The following IL27RA variants were observed in gnomAD, a reference collection of about 807,000 sequenced individuals.
The protein encoded by IL27RA is interleukin 27 receptor subunit alpha.
Under a neutral mutation model 80.8 loss-of-function variants are expected in IL27RA, and 61 were observed. The ratio of observed to expected loss-of-function variants is 0.76; its 90% CI spans 0.61 to 0.93. The LOEUF is 0.93. Ranked by LOEUF, IL27RA falls within the 40% of genes least tolerant of loss-of-function variation. The pLI, the probability that IL27RA is intolerant of heterozygous loss-of-function variation, is 0.00. For synonymous variants in IL27RA, 316 were observed against 332.5 expected (o/e 0.95, Z 0.54); for missense variants, 735 against 808.1 (o/e 0.91, Z 1.10).
At chr19:14,041,821 T>A (rs1975992985) in intron 4 of IL27RA, among the ~76,000 whole-genome samples, 1 of 152,068 alleles carries the variant, frequency 6.6e-6, no homozygotes, top group South Asian at 2.1e-4. Flanking sequence ...ATCCCAGCAC[T>A]TTGGGAGGCC....
rs1975962839 is a variant in IL27RA, at chr19:14,039,773, C to T, written c.397C>T (p.Leu133=). The change falls in exon 4 of 14, where the codon CTG becomes TTG. Residue 133 remains leucine, a synonymous_variant. Coordinates refer to ENST00000263379, the MANE Select transcript of IL27RA (RefSeq NM_004843.4). ...CCCAGTGAAGCCAAACGCCCCCCGG[C>T]TGGGCCCTGACGTGGACTTTTCCGA... ...ETQMKPNAPR[L]GPDVDFSEDD... is the part of the protein sequence containing the mutation. 1.2e-6 allele frequency: 2 copies of T among 1,613,942 alleles called. No individual in the cohort carries two copies. Among genetic ancestry groups the T allele is most frequent in the South Asian group, 1.1e-5 (1 of 91,060 alleles).
chr19:14,050,511 CAAAAAAAAAAA>C (rs34034204), intron 10 of IL27RA, among the ~76,000 whole-genome samples: 1 of 99,968 alleles, frequency 1.0e-5, no homozygotes, highest in South Asian at 3.1e-4. Context: ...GACTTCATGT[CAAAAAAAAAAA>C]AAAAAAAAGA....
At chr19:14,041,584 C>T (rs770671375) in intron 4 of IL27RA, among the ~76,000 whole-genome samples, 22 of 152,144 alleles carry the variant, frequency 1.4e-4, no homozygotes, top group Non-Finnish European at 4.4e-5. Context: ...CACTTTCCCT[C>T]TCTGGGCCTC....
intron 6 of IL27RA, among the ~76,000 whole-genome samples, chr19:14,044,183 G>A (rs1374525097): frequency 1.3e-5 from 2 of 151,984 alleles, no homozygotes; most frequent in African/African-American, 4.8e-5. Flanking sequence ...ATAAGCAAAG[G>A]AACACGATGA....
rs777812075 is a variant in IL27RA at position 14,050,881 on chromosome 19, C to G, written c.1526C>G (p.Pro509Arg). The G allele has an allele frequency of 4.4e-6, 7 of 1,606,360 alleles. No homozygotes were observed. In the East Asian group the frequency reaches 1.6e-4, roughly 36 times the overall value. ...PPGPILRLHLPDNTLRWKVLP... is the reference protein window; with the variant it reads ...PPGPILRLHLRDNTLRWKVLP... ...GGTCCCATCCTCCGGCTTCATCTACCAGGTAGGGGGGTTGGGATGGGATTG... is the reference window on the plus strand; with the variant it reads ...GGTCCCATCCTCCGGCTTCATCTACGAGGTAGGGGGGTTGGGATGGGATTG... Residue 509 changes from proline to arginine, a missense_variant and splice_region_variant, in exon 11 of 14, where the codon CCA (proline) becomes CGA (arginine). Physicochemically the swap from Pro to Arg is moderately radical, Grantham distance 103. Coordinates refer to ENST00000263379, the MANE Select transcript of IL27RA (RefSeq NM_004843.4).
At chr19:14,041,878 C>A (rs1975993760) in intron 4 of IL27RA, among the ~76,000 whole-genome samples, 1 of 151,918 alleles carries the variant, frequency 6.6e-6, no homozygotes, top group Admixed American at 6.6e-5. Flanking sequence ...CCAGCCTGGC[C>A]AAGATGGTGA....
At chr19:14,036,285 C>T (rs916471313) in intron 2 of IL27RA, among the ~76,000 whole-genome samples, 6 of 151,880 alleles carry the variant, frequency 4.0e-5, no homozygotes, top group African/African-American at 1.5e-4. Context: ...GCTACTATGC[C>T]CAGCCTGAGA....
Position 14,049,227 on chromosome 19 carries a change from G to A in IL27RA, c.1315G>A (p.Glu439Lys), listed in dbSNP as rs143737810. The A allele has an allele frequency of 1.2e-5, 20 of 1,614,054 alleles. No individual in the cohort carries two copies. The highest frequency in any genetic ancestry group is 5.0e-5 in the Admixed American group (3 of 59,996). Residue 439 changes from glutamate (E) to lysine (K), a missense_variant, in exon 10 of 14, where the codon GAG becomes AAG. By Grantham distance (56) the Glu-to-Lys change is moderately conservative. Transcript: ENST00000263379. The stretch of plus-strand genomic sequence containing the variant: ...AGGGACCCCCGCCATAGCGTGGGGA[G>A]AGGTCCCAAGGCACCAGCTTCGAGG... ...PPGTPAIAWGEVPRHQLRGHL... is the reference protein window; with the variant it reads ...PPGTPAIAWGKVPRHQLRGHL...
In IL27RA at chr19:14,039,947, G is replaced by A. The variant is rs58817586; in HGVS notation, c.534+37G>A. The stretch of plus-strand genomic sequence containing the variant: ...GGTCCTTTTCTCCCCACCCTATTCC[G>A]GGCGGGGACTGAGGCAACATCTCCT... On this transcript the variant is annotated intron_variant, in intron 4 of 13. Transcript: ENST00000263379. 7.8e-3 allele frequency: 12,457 copies of A among 1,603,760 alleles called. 855 individuals carry two copies. The African/African-American group carries it at 0.14, about 18-fold the overall frequency.
intron 11 of IL27RA, 69 bp downstream of exon 11, chr19:14,050,952 G>T: frequency 6.7e-7 from 1 of 1,492,790 alleles, no homozygotes; most frequent in Non-Finnish European, 9.1e-7. Flanking sequence ...GTAGCATCTG[G>T]AGTCATTACT....
At chr19:14,039,145 G>A (rs1975949625) in intron 2 of IL27RA, among the ~76,000 whole-genome samples, 1 of 151,788 alleles carries the variant, frequency 6.6e-6, no homozygotes, top group African/African-American at 2.4e-5. Context: ...AAATTGGCCA[G>A]GTGTGGTGGC....
intron 2 of IL27RA, among the ~76,000 whole-genome samples, 163 bp downstream of exon 2, chr19:14,032,666 G>T (rs1336698111): frequency 6.7e-6 from 1 of 150,070 alleles, no homozygotes; most frequent in East Asian, 1.9e-4. Context: ...ATTACCCAGG[G>T]GTGGTGGCGC....
At chr19:14,051,797 C>A in intron 12 of IL27RA, 83 bp from the exon 13 acceptor site, 1 of 1,410,782 alleles carries the variant, frequency 7.1e-7, no homozygotes, top group Non-Finnish European at 9.9e-7. Flanking sequence ...CCTCAGGGCG[C>A]AGTCACATTC....
At chr19:14,050,917 G>C (rs574002762) in intron 11 of IL27RA, 34 bp downstream of exon 11, 1 of 1,588,336 alleles carries the variant, frequency 6.3e-7, no homozygotes, top group African/African-American at 1.3e-5. Context: ...CCACAGGGAG[G>C]GGATGTACTC....
At chr19:14,044,441 T>C (rs1439326040) in intron 6 of IL27RA, among the ~76,000 whole-genome samples, 2 of 151,966 alleles carry the variant, frequency 1.3e-5, no homozygotes, top group African/African-American at 4.8e-5. Flanking sequence ...GGTTTCACCA[T>C]GTTGGCCAGG....
At chr19:14,036,082 A>G (rs1975892383) in intron 2 of IL27RA, among the ~76,000 whole-genome samples, 2 of 151,730 alleles carry the variant, frequency 1.3e-5, no homozygotes, top group Non-Finnish European at 2.9e-5. Flanking sequence ...TCTATTAAAA[A>G]AAAAAAAAAG....
rs1342607061 is a variant in IL27RA at position 14,036,814 on chromosome 19, A to T, written c.219-2694A>T. On this transcript the variant is annotated intron_variant, in intron 2 of 13. Coordinates refer to ENST00000263379, the MANE Select transcript of IL27RA (RefSeq NM_004843.4). ...ATTTTCTTCTTTTTTAAGGTTGAAT[A>T]GTATTCCATCGTGTATGTATACCAC... is the stretch of plus-strand genomic sequence containing the variant. Among the ~76,000 whole-genome samples, 5 of 148,596 alleles carry T rather than the reference A, an allele frequency of 3.4e-5. No homozygotes were observed. In the Admixed American group the frequency reaches 3.4e-4, roughly 10 times the overall value.
intron 10 of IL27RA, among the ~76,000 whole-genome samples, chr19:14,049,698 C>G (rs955450063): frequency 6.6e-6 from 1 of 151,530 alleles, no homozygotes; most frequent in Admixed American, 6.6e-5. Context: ...TCTCCTGCCT[C>G]AGCCTCCTGA....
At position 14,051,649 on chromosome 19, in the gene IL27RA, T is replaced by TGTGGGGCTTGTTCCTGTTGGG; in HGVS notation, c.1575_1595dup (p.Trp525_Gly531dup). 6.2e-7 allele frequency: 1 copy of TGTGGGGCTTGTTCCTGTTGGG among 1,613,310 alleles called. No individual in the cohort carries two copies. The highest frequency in any genetic ancestry group is 8.5e-7 in the Non-Finnish European group (1 of 1,179,544). On this transcript the variant is annotated inframe_insertion, in exon 12 of 14. Transcript: ENST00000263379. ...AAAGTTCTGCCGGGCATCCTATTCTTGTGGGGCTTGTTCCTGTTGGGGTGT... is the reference window on the plus strand; with the variant it reads ...AAAGTTCTGCCGGGCATCCTATTCTTGTGGGGCTTGTTCCTGTTGGGGTGGGGCTTGTTCCTGTTGGGGTGT...
Sources: allele counts gnomAD v4.1 joint callset (sites outside exome capture counted in the v4.1 genomes callset), GRCh38; gene constraint gnomAD v4.1.1; transcripts MANE v1.5; gene names NCBI Gene and HGNC (gene_info 2026-07-23, HGNC 2026-07-21).